The following NDUFAF2 variants were observed in gnomAD, a reference collection of about 807,000 sequenced individuals.
NDUFAF2 encodes NADH:ubiquinone oxidoreductase complex assembly factor 2.
NDUFAF2 carries 13 observed loss-of-function variants against 22.8 expected under a neutral mutation model. The ratio of observed to expected loss-of-function variants is 0.57; its 90% CI spans 0.37 to 0.91. The LOEUF (loss-of-function observed/expected upper bound fraction) is 0.91, where lower values mean the gene tolerates loss of function less well. Among genes scored for constraint, NDUFAF2 ranks in the 40% least tolerant of loss-of-function variants. The pLI is 0.01. For missense variants in NDUFAF2, 162 were observed against 195.2 expected, an observed-to-expected ratio of 0.83 and a Z score of 1.01; for synonymous variants, 53 against 64.2, an observed-to-expected ratio of 0.83 and a Z score of 0.84.
chr5:60,954,702 CCCAAAGTGCTAGGATTACAGGCATGAG>C (rs1486878933), intron 1 of NDUFAF2, among the ~76,000 whole-genome samples: 218 of 151,768 alleles, frequency 1.4e-3, no homozygotes, highest in African/African-American at 5.0e-3. Flanking sequence ...GCCTCAGCCT[CCCAAAGTGCTAGGATTACAGGCATGAG>C]CCACCGTGCT....
At chr5:60,967,350 G>C (rs530575461) in intron 1 of NDUFAF2, among the ~76,000 whole-genome samples, 8 of 151,926 alleles carry the variant, frequency 5.3e-5, no homozygotes, top group Admixed American at 3.9e-4. Context: ...TTGCTTAATT[G>C]CTCTTGCTAG....
intron 1 of NDUFAF2, among the ~76,000 whole-genome samples, chr5:61,067,071 T>A (rs962007390): frequency 6.6e-6 from 1 of 152,186 alleles, no homozygotes; most frequent in Non-Finnish European, 1.5e-5. Flanking sequence ...TCATGCTAAA[T>A]GAGTAGATTT....
intron 2 of NDUFAF2, chr5:61,083,403 A>G (rs1352937509): frequency 6.6e-6 from 1 of 152,020 alleles, no homozygotes; most frequent in Non-Finnish European, 1.5e-5. Flanking sequence ...TAGAGTTTTC[A>G]TTCCCCATTG....
chr5:60,954,062 C>G (rs1580065300), intron 1 of NDUFAF2, among the ~76,000 whole-genome samples: 1 of 152,142 alleles, frequency 6.6e-6, no homozygotes, highest in South Asian at 2.1e-4. Context: ...GATTGTGGTG[C>G]TTTTTGAGTG....
At chr5:60,999,782 T>C (rs1751274232) in intron 1 of NDUFAF2, among the ~76,000 whole-genome samples, 1 of 152,130 alleles carries the variant, frequency 6.6e-6, no homozygotes, top group African/African-American at 2.4e-5. Context: ...AATATCAGTG[T>C]CTTTACATAC....
chr5:60,969,087 C>T (rs1045534666), intron 1 of NDUFAF2, among the ~76,000 whole-genome samples: 1 of 152,010 alleles, frequency 6.6e-6, no homozygotes, highest in Non-Finnish European at 1.5e-5. Flanking sequence ...TGTATGTGTA[C>T]CACATTTTCT....
At chr5:60,956,107 C>T (rs947939451) in intron 1 of NDUFAF2, among the ~76,000 whole-genome samples, 3 of 151,894 alleles carry the variant, frequency 2.0e-5, no homozygotes, top group African/African-American at 4.8e-5. Context: ...CACCATGTTG[C>T]CCAGGCTGGT....
intron 1 of NDUFAF2, among the ~76,000 whole-genome samples, chr5:61,028,621 T>C (rs1018165508): frequency 2.0e-5 from 3 of 152,140 alleles, no homozygotes; most frequent in African/African-American, 7.2e-5. Flanking sequence ...ATTTTAGTTG[T>C]TTGCAGTTTT....
At chr5:61,126,227 T>C (rs1210509480) in intron 3 of NDUFAF2, among the ~76,000 whole-genome samples, 5 of 152,074 alleles carry the variant, frequency 3.3e-5, no homozygotes, top group Non-Finnish European at 5.9e-5. Context: ...TTAAATGTTT[T>C]CTGATTTGCA....
intron 1 of NDUFAF2, among the ~76,000 whole-genome samples, chr5:61,003,441 A>G (rs1263334997): frequency 6.6e-6 from 1 of 151,896 alleles, no homozygotes; most frequent in African/African-American, 2.4e-5. Context: ...GCCAGGTAAA[A>G]TTTTTCTGGT....
chr5:61,148,103 C>T (rs952636534), intron 3 of NDUFAF2, among the ~76,000 whole-genome samples: 8 of 152,290 alleles, frequency 5.3e-5, no homozygotes, highest in Middle Eastern at 3.4e-3. Flanking sequence ...TCTGGTACTC[C>T]GCCTAACATA....
At chr5:61,097,665 C>T (rs920130857) in intron 2 of NDUFAF2, among the ~76,000 whole-genome samples, 4 of 152,200 alleles carry the variant, frequency 2.6e-5, no homozygotes, top group South Asian at 2.1e-4. Context: ...GTTTCTTAAT[C>T]TCTCTGGGCC....
intron 3 of NDUFAF2, among the ~76,000 whole-genome samples, chr5:61,105,372 T>TTTA (rs1224798256): frequency 2.6e-5 from 4 of 151,308 alleles, no homozygotes; most frequent in African/African-American, 9.8e-5. Flanking sequence ...ATTGCCATTT[T>TTTA]ATGTATAGAA....
chr5:61,027,535 A>G (rs1751666256), intron 1 of NDUFAF2, among the ~76,000 whole-genome samples: 2 of 151,992 alleles, frequency 1.3e-5, no homozygotes, highest in African/African-American at 4.8e-5. Flanking sequence ...GAGAAGTACC[A>G]CTGTGTCCAA....
chr5:61,041,314 G>T (rs1171111383), intron 1 of NDUFAF2, among the ~76,000 whole-genome samples: 1 of 151,968 alleles, frequency 6.6e-6, no homozygotes, highest in East Asian at 1.9e-4. Flanking sequence ...TTAAATAGAA[G>T]TAGTTTTATA....
Position 61,099,030 on chromosome 5 carries a change from G to A in NDUFAF2, c.256G>A (p.Glu86Lys), listed in dbSNP as rs759967471. ...AACAAGAAAGACTCCACCTACTATG[G>A]AGGTAAGACTACACAAGGAGGATAT... ...RRTRKTPPTM[E>K]EILKNEKHRE... Residue 86 changes from glutamate (E) to lysine (K), a missense_variant and splice_region_variant, in exon 3 of 4, where the codon GAG becomes AAG. Glu to Lys is a moderately conservative substitution (Grantham distance 56, BLOSUM62 1). Transcript: ENST00000296597. The A allele has an allele frequency of 1.9e-6, 3 of 1,596,866 alleles. No homozygotes were observed. Among genetic ancestry groups the A allele is most frequent in the East Asian group, 4.5e-5 (2 of 44,588 alleles).
intron 3 of NDUFAF2, among the ~76,000 whole-genome samples, chr5:61,139,311 A>C (rs1377975892): frequency 6.6e-6 from 1 of 152,192 alleles, no homozygotes; most frequent in Admixed American, 6.5e-5. Flanking sequence ...TAGCATGATG[A>C]GAAGGTATTG....
chr5:61,119,487 A>G (rs1003112410), intron 3 of NDUFAF2, among the ~76,000 whole-genome samples: 5 of 152,262 alleles, frequency 3.3e-5, no homozygotes, highest in African/African-American at 1.2e-4. Flanking sequence ...TCTTATTGCA[A>G]ATTTACACAG....
chr5:61,045,012 G>GTTTTAAATT (rs1751929104), intron 1 of NDUFAF2, among the ~76,000 whole-genome samples: 2 of 85,848 alleles, frequency 2.3e-5, no homozygotes, highest in African/African-American at 9.0e-5. Context: ...TATTAAAATT[G>GTTTTAAATT]TATTAAATTT....
Sources: gnomAD v4.1 joint callset for allele counts (sites outside exome capture counted in the v4.1 genomes callset) on GRCh38, gnomAD v4.1.1 for gene constraint, MANE v1.5 for transcripts, NCBI Gene and HGNC (gene_info 2026-07-23, HGNC 2026-07-21) for gene names.